RBFOX1: variants seen among roughly 807,000 people sequenced by gnomAD.
RBFOX1 encodes the protein RNA binding protein fox-1 homolog 1.
A neutral mutation model predicts 57.7 loss-of-function variants in RBFOX1; 8 were observed. The observed-to-expected ratio is 0.14, with a 90% CI of 0.08 to 0.25. The LOEUF is 0.25. RBFOX1 is among the 10% of genes least tolerant of loss of function. The pLI is 1.00. For synonymous variants in RBFOX1, 326 were observed against 222.4 expected (o/e 1.47, Z -4.15); for missense variants, 611 against 548.5 (o/e 1.11, Z -1.14).
At chr16:6,691,176 T>C (rs934675606) in intron 3 of RBFOX1, among the ~76,000 whole-genome samples, 6 of 152,156 alleles carry the variant, frequency 3.9e-5, no homozygotes, top group Admixed American at 2.0e-4. Flanking sequence ...AAAAAGTGTC[T>C]GCTATTAGCT....
intron 3 of RBFOX1, among the ~76,000 whole-genome samples, chr16:6,993,415 G>C (rs899659168): frequency 2.6e-5 from 4 of 152,140 alleles, no homozygotes; most frequent in Non-Finnish European, 5.9e-5. Flanking sequence ...AGGATTTGTA[G>C]AGCATATTCT....
chr16:6,712,883 G>GTTTTTTTTTTTTTTTTTTTTTTTTTTTT (rs61328266), intron 3 of RBFOX1, among the ~76,000 whole-genome samples: 1 of 83,018 alleles, frequency 1.2e-5, no homozygotes, highest in African/African-American at 4.0e-5. Context: ...TCATGGGGGT[G>GTTTTTTTTTTTTTTTTTTTTTTTTTTTT]TTTTTTTTTT....
intron 3 of RBFOX1, among the ~76,000 whole-genome samples, chr16:6,744,387 C>T (rs986604121): frequency 6.6e-6 from 1 of 151,910 alleles, no homozygotes; most frequent in Non-Finnish European, 1.5e-5. Flanking sequence ...CCTAAAATAG[C>T]AGGATACATA....
chr16:7,315,338 TAAAAA>T (rs1201567564), intron 4 of RBFOX1, among the ~76,000 whole-genome samples: 1 of 151,936 alleles, frequency 6.6e-6, no homozygotes, highest in Non-Finnish European at 1.5e-5. Context: ...GCTCTTGAGT[TAAAAA>T]AGAAAGATAC....
At chr16:5,267,764 G>C (rs1278161413) in intron 1 of RBFOX1, among the ~76,000 whole-genome samples, 1 of 152,184 alleles carries the variant, frequency 6.6e-6, no homozygotes. Flanking sequence ...CAGTGTGTCA[G>C]AACTTGCCAG....
At chr16:6,074,486 A>G (rs2095872944) in intron 1 of RBFOX1, among the ~76,000 whole-genome samples, 1 of 152,214 alleles carries the variant, frequency 6.6e-6, no homozygotes, top group Non-Finnish European at 1.5e-5. Context: ...AATTTCTGCT[A>G]GAGCATGGGG....
chr16:7,545,019 G>A (rs191909791), intron 5 of RBFOX1, among the ~76,000 whole-genome samples: 32 of 152,272 alleles, frequency 2.1e-4, no homozygotes, highest in African/African-American at 3.1e-4. Flanking sequence ...GGACTAAGCC[G>A]AGCAGTACAG....
chr16:6,184,226 A>T (rs1567632693), intron 1 of RBFOX1, among the ~76,000 whole-genome samples: 1 of 152,200 alleles, frequency 6.6e-6, no homozygotes, highest in Non-Finnish European at 1.5e-5. Flanking sequence ...TGGGAACTAC[A>T]GTTCAAGATG....
At chr16:5,960,570 C>G (rs1202258816) in intron 4 of RBFOX1, among the ~76,000 whole-genome samples, 2 of 152,096 alleles carry the variant, frequency 1.3e-5, no homozygotes, top group Admixed American at 6.5e-5. Context: ...CTTCTTTTTT[C>G]TTGCCTTTTT....
intron 2 of RBFOX1, among the ~76,000 whole-genome samples, chr16:6,494,591 G>A (rs935267987): frequency 6.6e-6 from 1 of 152,168 alleles, no homozygotes; most frequent in Non-Finnish European, 1.5e-5. Context: ...ACCTGTTGAA[G>A]GATATCTGGG....
At chr16:7,428,692 C>G (rs1190024766) in intron 4 of RBFOX1, among the ~76,000 whole-genome samples, 1 of 151,572 alleles carries the variant, frequency 6.6e-6, no homozygotes, top group Non-Finnish European at 1.5e-5. Flanking sequence ...ATCTAATAAG[C>G]GAAGACCAAA....
At chr16:6,934,901 C>T (rs145587343) in intron 3 of RBFOX1, among the ~76,000 whole-genome samples, 3,209 of 152,118 alleles carry the variant, frequency 0.021, 67 homozygotes, top group African/African-American at 0.056. Context: ...GCCTAGGCAA[C>T]ATGGTGAAAC....
At chr16:5,415,673 T>C (rs1018374287) in intron 1 of RBFOX1, among the ~76,000 whole-genome samples, 4 of 152,228 alleles carry the variant, frequency 2.6e-5, no homozygotes, top group Admixed American at 6.5e-5. Flanking sequence ...ATGATACTGG[T>C]TTTCTATTCA....
At chr16:6,988,841 G>T (rs1270963535) in intron 3 of RBFOX1, among the ~76,000 whole-genome samples, 1 of 150,474 alleles carries the variant, frequency 6.6e-6, no homozygotes, top group East Asian at 2.0e-4. Flanking sequence ...GCATAATCTC[G>T]GCTCACTGCA....
At chr16:7,410,469 G>T (rs926085126) in intron 4 of RBFOX1, among the ~76,000 whole-genome samples, 2 of 152,188 alleles carry the variant, frequency 1.3e-5, no homozygotes, top group Non-Finnish European at 2.9e-5. Flanking sequence ...ATTACATGAG[G>T]TTGGGAGTTC....
chr16:5,351,669 C>A (rs902548780), intron 1 of RBFOX1, among the ~76,000 whole-genome samples: 2 of 152,164 alleles, frequency 1.3e-5, no homozygotes, highest in African/African-American at 2.4e-5. Flanking sequence ...TTGGTGAGAG[C>A]ATTTAACTAG....
chr16:7,694,570 A>G (rs866997302), intron 14 of RBFOX1, among the ~76,000 whole-genome samples: 1 of 152,242 alleles, frequency 6.6e-6, no homozygotes, highest in African/African-American at 2.4e-5. Flanking sequence ...TACTCTTTCT[A>G]TAAAACCTCT....
intron 3 of RBFOX1, among the ~76,000 whole-genome samples, chr16:5,796,684 T>G (rs1053765812): frequency 6.6e-6 from 1 of 152,124 alleles, no homozygotes; most frequent in Non-Finnish European, 1.5e-5. Context: ...CTTACCCCAT[T>G]TTACGGATGA....
intron 2 of RBFOX1, among the ~76,000 whole-genome samples, chr16:5,535,654 T>G (rs1307472869): frequency 6.6e-6 from 1 of 152,186 alleles, no homozygotes; most frequent in Non-Finnish European, 1.5e-5. Context: ...CTGATTTGTT[T>G]CGGTCTGTTT....
Sources: gnomAD v4.1 joint callset for allele counts (sites outside exome capture counted in the v4.1 genomes callset) on GRCh38, gnomAD v4.1.1 for gene constraint, MANE v1.5 for transcripts, NCBI Gene and HGNC (gene_info 2026-07-23, HGNC 2026-07-21) for gene names.